The following FBXL17 variants were observed in gnomAD, a reference collection of about 807,000 sequenced individuals.
The protein encoded by FBXL17 is F-box/LRR-repeat protein 17.
Under a neutral mutation model 66.2 loss-of-function variants are expected in FBXL17, and 22 were observed. The ratio of observed to expected loss-of-function variants is 0.33; its 90% CI spans 0.24 to 0.47. The LOEUF (loss-of-function observed/expected upper bound fraction) is 0.47. Ranked by LOEUF, FBXL17 falls within the 20% of genes least tolerant of loss-of-function variation. The pLI is 1.00. For synonymous variants in FBXL17, 474 were observed against 400.5 expected, an observed-to-expected ratio of 1.18 and a Z score of -2.19; for missense variants, 878 against 948.2, an observed-to-expected ratio of 0.93 and a Z score of 0.97.
chr5:108,137,484 T>C (rs2149982479), intron 6 of FBXL17, among the ~76,000 whole-genome samples: 1 of 152,154 alleles, frequency 6.6e-6, no homozygotes, highest in South Asian at 2.1e-4. Flanking sequence ...TTTTTGAATG[T>C]TGGCATGATC....
intron 6 of FBXL17, among the ~76,000 whole-genome samples, chr5:108,044,048 C>T (rs1229101216): frequency 6.6e-6 from 1 of 152,052 alleles, no homozygotes; most frequent in Non-Finnish European, 1.5e-5. Flanking sequence ...ATCTTTTATC[C>T]TAAAGTCTTG....
chr5:108,209,658 G>A (rs1754281359), intron 5 of FBXL17, among the ~76,000 whole-genome samples: 1 of 152,182 alleles, frequency 6.6e-6, no homozygotes. Context: ...AAGGAGTGAA[G>A]CCGACTTGAT....
At chr5:108,131,840 G>A (rs1750945377) in intron 6 of FBXL17, among the ~76,000 whole-genome samples, 1 of 151,940 alleles carries the variant, frequency 6.6e-6, no homozygotes, top group African/African-American at 2.4e-5. Flanking sequence ...GGTTTTATTT[G>A]TATAAAATCA....
intron 6 of FBXL17, among the ~76,000 whole-genome samples, chr5:108,082,363 G>A (rs182899409): frequency 8.8e-4 from 134 of 152,242 alleles, no homozygotes; most frequent in African/African-American, 3.0e-3. Flanking sequence ...CTAGCATGGT[G>A]ATACACCTCA....
chr5:108,173,488 A>G (rs905903495), intron 6 of FBXL17, among the ~76,000 whole-genome samples: 3 of 152,226 alleles, frequency 2.0e-5, no homozygotes. Flanking sequence ...ATCTATTCAT[A>G]CTGAATTATG....
At position 108,052,732 on chromosome 5, in the gene FBXL17, T is replaced by A. The variant is rs572410446; in HGVS notation, c.1746-31731A>T. On this transcript the variant is annotated intron_variant, in intron 6 of 8. Coordinates refer to ENST00000542267, the MANE Select transcript of FBXL17 (RefSeq NM_001163315.3). ...ATATGGAATTAAAGAAGACCCTGTA[T>A]AGCCAAGACAATCCTAAGCAAAAAG... Among the ~76,000 whole-genome samples, 3 of 152,300 alleles carry A rather than the reference T, an allele frequency of 2.0e-5. No homozygotes were observed. The East Asian group carries it at 5.8e-4, about 29-fold the overall frequency.
intron 4 of FBXL17, among the ~76,000 whole-genome samples, chr5:108,320,182 C>G (rs1759551668): frequency 6.6e-6 from 1 of 151,696 alleles, no homozygotes; most frequent in Non-Finnish European, 1.5e-5. Flanking sequence ...TTCTTTTACG[C>G]CCTTCTTTGT....
chr5:107,870,759 G>A (rs1748418551), intron 8 of FBXL17, among the ~76,000 whole-genome samples: 1 of 151,656 alleles, frequency 6.6e-6, no homozygotes, highest in East Asian at 1.9e-4. Flanking sequence ...CTACTTTTTT[G>A]TATTTTTAGT....
At chr5:108,097,524 C>G (rs1247337534) in intron 6 of FBXL17, among the ~76,000 whole-genome samples, 1 of 152,032 alleles carries the variant, frequency 6.6e-6, no homozygotes, top group Non-Finnish European at 1.5e-5. Context: ...GGAGTGGTGG[C>G]TCACGCCTGT....
chr5:108,227,602 C>A (rs1202662074), intron 4 of FBXL17, among the ~76,000 whole-genome samples: 2 of 152,146 alleles, frequency 1.3e-5, no homozygotes, highest in Non-Finnish European at 2.9e-5. Flanking sequence ...CTTACCTATG[C>A]TGAACAGATA....
intron 6 of FBXL17, among the ~76,000 whole-genome samples, chr5:108,141,614 T>G (rs899326530): frequency 1.3e-5 from 2 of 152,212 alleles, no homozygotes; most frequent in African/African-American, 4.8e-5. Context: ...AAAACAGATC[T>G]GGGCAGGTTA....
At chr5:107,866,973 A>G (rs139487320) in intron 8 of FBXL17, among the ~76,000 whole-genome samples, 18 of 152,218 alleles carry the variant, frequency 1.2e-4, no homozygotes. Flanking sequence ...CCTAGCACAT[A>G]GTATATACTC....
intron 6 of FBXL17, among the ~76,000 whole-genome samples, chr5:108,093,826 A>G (rs1416298720): frequency 6.6e-6 from 1 of 152,146 alleles, no homozygotes; most frequent in Non-Finnish European, 1.5e-5. Context: ...TTATTTCAAG[A>G]TGTAATGTAA....
chr5:107,859,241 G>A lies in FBXL17; in HGVS notation c.*2479C>T, dbSNP rs955511545. On this transcript the variant is annotated 3_prime_UTR_variant, in exon 9 of 9. Coordinates refer to ENST00000542267, the MANE Select transcript of FBXL17 (RefSeq NM_001163315.3). ...GAGAATAAAAAGCCCTGCATTAAAC[G>A]TGTTCACATGTATTTATGACATTCT... The A allele has an allele frequency of 9.9e-5, 15 of 151,862 alleles. No individual in the cohort carries two copies. Among genetic ancestry groups the A allele is most frequent in the African/African-American group, 3.6e-4 (15 of 41,330 alleles). The allele number at this position is 151,862 out of a possible 1,614,324, so 9.4% of individuals were successfully genotyped here.
chr5:108,016,613 C>A (rs1175881301), intron 7 of FBXL17, among the ~76,000 whole-genome samples: 1 of 152,078 alleles, frequency 6.6e-6, no homozygotes, highest in East Asian at 1.9e-4. Flanking sequence ...GCGCTTTATT[C>A]ATCCATCCCG....
At chr5:107,952,656 G>T (rs998108379) in intron 7 of FBXL17, among the ~76,000 whole-genome samples, 29 of 152,244 alleles carry the variant, frequency 1.9e-4, no homozygotes, top group African/African-American at 7.0e-4. Context: ...TCAAATATTG[G>T]CATGGTTCCA....
At chr5:107,863,555 C>T (rs1748191620) in intron 8 of FBXL17, among the ~76,000 whole-genome samples, 1 of 141,992 alleles carries the variant, frequency 7.0e-6, no homozygotes, top group East Asian at 1.9e-4. Context: ...TTCACTCTTT[C>T]AATACTCCCT....
At chr5:108,012,869 G>A (rs1754229932) in intron 7 of FBXL17, among the ~76,000 whole-genome samples, 1 of 152,026 alleles carries the variant, frequency 6.6e-6, no homozygotes, top group Non-Finnish European at 1.5e-5. Context: ...TACAAAATTA[G>A]CCGGGCGTGG....
chr5:108,138,232 A>G (rs1050669761), intron 6 of FBXL17, among the ~76,000 whole-genome samples: 1 of 152,202 alleles, frequency 6.6e-6, no homozygotes, highest in Admixed American at 6.5e-5. Flanking sequence ...CAGACTACAA[A>G]TGTCAAGATT....
Sources: allele counts gnomAD v4.1 joint callset (sites outside exome capture counted in the v4.1 genomes callset), GRCh38; gene constraint gnomAD v4.1.1; transcripts MANE v1.5; gene names NCBI Gene and HGNC (gene_info 2026-07-23, HGNC 2026-07-21).